The following CAMTA1 variants were observed in gnomAD, a reference collection of about 807,000 sequenced individuals.
The protein encoded by CAMTA1 is calmodulin binding transcription activator 1.
CAMTA1 carries 27 observed loss-of-function variants against 170.9 expected under a neutral mutation model. That is an observed-to-expected ratio of 0.16 (90% CI 0.12 to 0.22). CAMTA1 has a LOEUF of 0.22. Among genes scored for constraint, CAMTA1 ranks in the 10% least tolerant of loss-of-function variants. CAMTA1 has a pLI of 1.00. For missense variants in CAMTA1, 1,619 were observed against 2,217.2 expected, an observed-to-expected ratio of 0.73 and a Z score of 5.42; for synonymous variants, 833 against 891.5, an observed-to-expected ratio of 0.93 and a Z score of 1.17.
intron 5 of CAMTA1, among the ~76,000 whole-genome samples, chr1:7,373,216 G>A (rs2086608992): frequency 6.6e-6 from 1 of 152,208 alleles, no homozygotes; most frequent in African/African-American, 2.4e-5. Context: ...ACCTCCTGGA[G>A]TATTTCTACC....
At chr1:7,567,372 T>G (rs976600053) in intron 6 of CAMTA1, among the ~76,000 whole-genome samples, 6 of 152,188 alleles carry the variant, frequency 3.9e-5, no homozygotes, top group Non-Finnish European at 7.3e-5. Context: ...ACACTCGACA[T>G]GCAATTGCAG....
chr1:7,362,469 G>T (rs2085616823), intron 5 of CAMTA1, among the ~76,000 whole-genome samples: 1 of 152,146 alleles, frequency 6.6e-6, no homozygotes. Context: ...GACTTGAATA[G>T]AGTTAGTGGA....
intron 3 of CAMTA1, among the ~76,000 whole-genome samples, chr1:6,845,412 T>C (rs1657676791): frequency 6.6e-6 from 1 of 152,206 alleles, no homozygotes; most frequent in African/African-American, 2.4e-5. Flanking sequence ...TTAAATCTTG[T>C]CCAGATTCAG....
chr1:7,659,302 A>AGGGGGG (rs1558072434), intron 7 of CAMTA1, among the ~76,000 whole-genome samples: 55 of 152,122 alleles, frequency 3.6e-4, no homozygotes, highest in African/African-American at 1.3e-3. Context: ...TGGGAGGCCA[A>AGGGGGG]AGGGGGGTGG....
chr1:7,711,551 C>G (rs574394413), intron 11 of CAMTA1, among the ~76,000 whole-genome samples: 173 of 152,308 alleles, frequency 1.1e-3, no homozygotes, highest in Middle Eastern at 3.4e-3. Context: ...CTTTTATTCT[C>G]ATGGTCCCAT....
intron 6 of CAMTA1, among the ~76,000 whole-genome samples, chr1:7,603,887 A>C (rs2095466046): frequency 6.6e-6 from 1 of 152,214 alleles, no homozygotes; most frequent in Non-Finnish European, 1.5e-5. Flanking sequence ...GGTGGTAACA[A>C]AATCTCTCAG....
chr1:7,529,819 A>G (rs1307186382), intron 6 of CAMTA1, among the ~76,000 whole-genome samples: 2 of 152,218 alleles, frequency 1.3e-5, no homozygotes, highest in East Asian at 1.9e-4. Context: ...AGCCCATCAC[A>G]TAGTAGGTGT....
At chr1:7,616,236 G>T (rs917812528) in intron 6 of CAMTA1, among the ~76,000 whole-genome samples, 8 of 152,366 alleles carry the variant, frequency 5.3e-5, no homozygotes, top group Middle Eastern at 3.4e-3. Flanking sequence ...TGCACAAACG[G>T]AATTCAAAGT....
chr1:7,137,612 C>T (rs1645617372), intron 4 of CAMTA1, among the ~76,000 whole-genome samples: 1 of 152,230 alleles, frequency 6.6e-6, no homozygotes. Flanking sequence ...CAAGCATCTC[C>T]TGCTGGCCTG....
At chr1:7,683,035 C>T (rs1054675610) in intron 11 of CAMTA1, among the ~76,000 whole-genome samples, 1 of 151,998 alleles carries the variant, frequency 6.6e-6, no homozygotes, top group South Asian at 2.1e-4. Flanking sequence ...ATTAGCCGGG[C>T]GTGGTGGTGA....
chr1:6,938,305 G>T (rs1454116726), intron 3 of CAMTA1, among the ~76,000 whole-genome samples: 1 of 152,146 alleles, frequency 6.6e-6, no homozygotes, highest in Non-Finnish European at 1.5e-5. Context: ...CTCAGCTCTG[G>T]GGACCAGGGC....
intron 4 of CAMTA1, among the ~76,000 whole-genome samples, chr1:7,124,413 C>A (rs1185450216): frequency 6.6e-6 from 1 of 152,194 alleles, no homozygotes; most frequent in Non-Finnish European, 1.5e-5. Flanking sequence ...CAAATGTTAC[C>A]TCCTTTCTGA....
intron 3 of CAMTA1, among the ~76,000 whole-genome samples, chr1:7,048,124 C>T (rs544023974): frequency 1.6e-4 from 24 of 151,998 alleles, no homozygotes; most frequent in Non-Finnish European, 2.4e-4. Context: ...AGGATTTCAG[C>T]GGGGAGGGTG....
chr1:7,713,813 C>T (rs537581229), intron 11 of CAMTA1, among the ~76,000 whole-genome samples: 3 of 152,218 alleles, frequency 2.0e-5, no homozygotes, highest in Middle Eastern at 6.8e-3. Context: ...TCAAAGAGCC[C>T]CTGAACAGAA....
chr1:7,409,731 C>T (rs28447022), intron 5 of CAMTA1, among the ~76,000 whole-genome samples: 1 of 152,224 alleles, frequency 6.6e-6, no homozygotes, highest in Non-Finnish European at 1.5e-5. Context: ...GAGACTAGGA[C>T]CCCCTCATTT....
At chr1:7,135,871 A>G (rs976323594) in intron 4 of CAMTA1, among the ~76,000 whole-genome samples, 1 of 152,194 alleles carries the variant, frequency 6.6e-6, no homozygotes, top group African/African-American at 2.4e-5. Context: ...TGCTGTTACA[A>G]ACCAACCTGG....
chr1:7,092,578 C>T lies in CAMTA1; in HGVS notation c.302+1207C>T, dbSNP rs531227896. 9.5e-4 allele frequency among the ~76,000 whole-genome samples: 144 copies of T among 152,240 alleles called. 1 individual carries two copies. Among genetic ancestry groups the T allele is most frequent in the African/African-American group, 3.3e-3 (136 of 41,540 alleles). Reference sequence around the variant, plus strand: ...CCTGAGAATGGGAGGAGAGTCTGTCCGCAGGAGTCCCCAAAACCTCAGCCT... The same window carrying T: ...CCTGAGAATGGGAGGAGAGTCTGTCTGCAGGAGTCCCCAAAACCTCAGCCT... On this transcript the variant is annotated intron_variant, in intron 4 of 22. Transcript: ENST00000303635. The surrounding 1 kb of genome is among the most constrained non-coding windows in gnomAD (Gnocchi z 5.0).
chr1:7,168,262 A>G (rs1648902930), intron 4 of CAMTA1, among the ~76,000 whole-genome samples: 1 of 152,226 alleles, frequency 6.6e-6, no homozygotes, highest in Non-Finnish European at 1.5e-5. Context: ...TTCTATGTAG[A>G]TAATTCACAC....
At chr1:6,889,282 G>T (rs1193049531) in intron 3 of CAMTA1, among the ~76,000 whole-genome samples, 1 of 152,186 alleles carries the variant, frequency 6.6e-6, no homozygotes, top group Non-Finnish European at 1.5e-5. Context: ...AGTATAACAA[G>T]TATGAATTTT....
Sources: gnomAD v4.1 joint callset for allele counts (sites outside exome capture counted in the v4.1 genomes callset) on GRCh38, gnomAD v4.1.1 for gene constraint, Gnocchi (gnomAD v3.1) non-coding constraint, MANE v1.5 for transcripts, NCBI Gene and HGNC (gene_info 2026-07-23, HGNC 2026-07-21) for gene names.